Variants in CCDC150 observed in about 807,000 individuals in gnomAD.
The protein encoded by CCDC150 is coiled-coil domain-containing protein 150.
In CCDC150, 151 loss-of-function variants were observed where a neutral mutation model predicts 156.5. The observed-to-expected ratio is 0.97, with a 90% CI of 0.85 to 1.10. The LOEUF (loss-of-function observed/expected upper bound fraction) is 1.10. Among genes scored for constraint, CCDC150 ranks in the 50% least tolerant of loss-of-function variants. The probability of loss-of-function intolerance (pLI) is 0.00; values close to 1 mark genes in which losing one functional copy is unlikely to be tolerated. For missense variants in CCDC150, 1,312 were observed against 1,268.1 expected, an observed-to-expected ratio of 1.03 and a Z score of -0.53; for synonymous variants, 452 against 429.4, an observed-to-expected ratio of 1.05 and a Z score of -0.65.
intron 5 of CCDC150, among the ~76,000 whole-genome samples, chr2:196,660,992 C>T (rs1020820493): frequency 3.3e-5 from 5 of 152,140 alleles, no homozygotes; most frequent in Non-Finnish European, 1.5e-5. Flanking sequence ...GATCTGTATC[C>T]AGATGAATTT....
At position 196,720,624 on chromosome 2, in the gene CCDC150, T is replaced by C. The variant is rs568346313; in HGVS notation, c.2215T>C (p.Trp739Arg). 5 of 1,613,928 alleles carry C rather than the reference T, an allele frequency of 3.1e-6. No individual in the cohort carries two copies. In the South Asian group the frequency reaches 4.4e-5, roughly 14 times the overall value. ...GAAGCTGGAAGCTGAAGTGGACCAG[T>C]GGCAGGCCAGGATGCTTGTCATGGA... ...VQKLEAEVDQ[W>R]QARMLVMEDQ... Residue 739 changes from tryptophan (W) to arginine (R), a missense_variant, in exon 20 of 28, where the codon TGG becomes CGG. Coordinates refer to ENST00000389175, the MANE Select transcript of CCDC150 (RefSeq NM_001080539.2).
chr2:196,700,149 A>G (rs1250136794), intron 14 of CCDC150, among the ~76,000 whole-genome samples: 1 of 152,220 alleles, frequency 6.6e-6, no homozygotes, highest in East Asian at 1.9e-4. Context: ...GCAAATATAA[A>G]CCAGAAATAG....
intron 17 of CCDC150, chr2:196,713,809 A>G: frequency 9.2e-7 from 1 of 1,081,788 alleles, no homozygotes; most frequent in Non-Finnish European, 1.2e-6. Context: ...ACAAATAGAA[A>G]AAAGACTAAT....
chr2:196,698,223 T>G (rs1376789418), intron 14 of CCDC150, among the ~76,000 whole-genome samples: 3 of 152,188 alleles, frequency 2.0e-5, no homozygotes, highest in Non-Finnish European at 4.4e-5. Context: ...ACATCCACTT[T>G]CCCTTAGCAA....
chr2:196,674,486 G>C (rs1694379678), intron 10 of CCDC150, 138 bp downstream of exon 10: 1 of 600,164 alleles, frequency 1.7e-6, no homozygotes. Context: ...TTCTATTAGT[G>C]CTTTTCAATT....
chr2:196,719,606 A>G lies in CCDC150; in HGVS notation c.2105A>G (p.Glu702Gly). 2 of 1,613,548 alleles carry G rather than the reference A, an allele frequency of 1.2e-6. No individual in the cohort carries two copies. The highest frequency in any genetic ancestry group is 1.7e-6 in the Non-Finnish European group (2 of 1,179,738). The part of the protein sequence containing the change: ...ASHSKMQGAL[E>G]KVQIELGRRD... Reference sequence around the variant, plus strand: ...CACAGTAAGATGCAAGGTGCTCTGGAGAAAGTACAAATAGAGCTTGGGCGG... The same window carrying G: ...CACAGTAAGATGCAAGGTGCTCTGGGGAAAGTACAAATAGAGCTTGGGCGG... Residue 702 changes from glutamate to glycine, a missense_variant, in exon 19 of 28, where the codon GAG (glutamate) becomes GGG (glycine). Coordinates refer to ENST00000389175, the MANE Select transcript of CCDC150 (RefSeq NM_001080539.2).
chr2:196,677,300 A>C lies in CCDC150; in HGVS notation c.1448A>C (p.Lys483Thr), dbSNP rs1401843452. 1 of 1,567,858 alleles carries C rather than the reference A, an allele frequency of 6.4e-7. No homozygotes were observed. Among genetic ancestry groups the C allele is most frequent in the Non-Finnish European group, 8.7e-7 (1 of 1,154,976 alleles). ...EKERFQREVNKTEKEIVQERC... is the reference protein window; with the variant it reads ...EKERFQREVNTTEKEIVQERC... The stretch of plus-strand genomic sequence containing the variant: ...CCCATCCTCCTTGGGCAGGTTAATA[A>C]AACAGAAAAAGAAATAGTGCAAGAA... Residue 483 changes from lysine to threonine, a missense_variant, in exon 13 of 28, where the codon AAA becomes ACA. Coordinates refer to ENST00000389175, the MANE Select transcript of CCDC150 (RefSeq NM_001080539.2).
chr2:196,643,218 C>T (rs747562712), intron 1 of CCDC150, among the ~76,000 whole-genome samples: 2 of 152,174 alleles, frequency 1.3e-5, no homozygotes, highest in African/African-American at 4.8e-5. Flanking sequence ...AATCAGTGTC[C>T]GAGTCACCTC....
chr2:196,648,260 T>C (rs1280538007), intron 2 of CCDC150, among the ~76,000 whole-genome samples: 27 of 152,178 alleles, frequency 1.8e-4, no homozygotes, highest in Admixed American at 1.8e-3. Context: ...CCATCAACTA[T>C]GTACGGGGGT....
At chr2:196,639,869 C>A in intron 1 of CCDC150, 91 bp downstream of exon 1, 5 of 1,156,518 alleles carry the variant, frequency 4.3e-6, no homozygotes, top group South Asian at 2.2e-5. Context: ...CCCTGGCGCC[C>A]TCTCCCTGTC....
intron 2 of CCDC150, 34 bp downstream of exon 2, chr2:196,646,538 A>G (rs769870324): frequency 1.6e-5 from 26 of 1,581,348 alleles, no homozygotes; most frequent in Non-Finnish European, 2.3e-5. Context: ...TGTAGGTTGA[A>G]GAATTTTGCT....
At chr2:196,720,451 T>C in intron 19 of CCDC150, 124 bp from the exon 20 acceptor site, 1 of 676,870 alleles carries the variant, frequency 1.5e-6, no homozygotes, top group South Asian at 2.0e-5. Context: ...TGATATTTAC[T>C]AGTGATATAT....
intron 13 of CCDC150, among the ~76,000 whole-genome samples, chr2:196,689,557 G>C (rs1455046834): frequency 1.3e-5 from 2 of 151,974 alleles, no homozygotes; most frequent in African/African-American, 4.8e-5. Context: ...GTCTGTTATT[G>C]GTGTATAAGA....
At chr2:196,703,615 T>G (rs912169085) in intron 15 of CCDC150, among the ~76,000 whole-genome samples, 7 of 152,210 alleles carry the variant, frequency 4.6e-5, no homozygotes, top group African/African-American at 1.7e-4. Flanking sequence ...AATGATCTTA[T>G]AAGAGGCTAT....
At chr2:196,711,954 T>A (rs1969340) in intron 15 of CCDC150, among the ~76,000 whole-genome samples, 191 bp from the exon 16 acceptor site, 119,945 of 151,756 alleles carry the variant, frequency 0.79, 47,626 homozygotes, top group East Asian at 0.97. Context: ...ACAGAGTGTA[T>A]ATCATTTTTT....
chr2:196,675,089 T>C (rs774322304), intron 10 of CCDC150, among the ~76,000 whole-genome samples: 2 of 152,174 alleles, frequency 1.3e-5, no homozygotes, highest in African/African-American at 2.4e-5. Flanking sequence ...ATAATCATTA[T>C]GCTGCATCCC....
At chr2:196,700,752 G>A (rs141192096) in intron 14 of CCDC150, among the ~76,000 whole-genome samples, 14 of 152,158 alleles carry the variant, frequency 9.2e-5, no homozygotes, top group East Asian at 3.9e-4. Flanking sequence ...TGCTATTTCC[G>A]TAAAGAACTG....
At chr2:196,647,379 A>G (rs1047861920) in intron 2 of CCDC150, among the ~76,000 whole-genome samples, 16 of 152,232 alleles carry the variant, frequency 1.1e-4, no homozygotes, top group Non-Finnish European at 2.4e-4. Flanking sequence ...TTTTATATGC[A>G]TGTATATATT....
At chr2:196,679,180 C>T (rs1422852061) in intron 13 of CCDC150, among the ~76,000 whole-genome samples, 1 of 152,122 alleles carries the variant, frequency 6.6e-6, no homozygotes, top group East Asian at 1.9e-4. Context: ...TTATAATTTA[C>T]ATACAGTGAA....
Sources: gnomAD v4.1 joint callset for allele counts (sites outside exome capture counted in the v4.1 genomes callset) on GRCh38, gnomAD v4.1.1 for gene constraint, MANE v1.5 for transcripts, NCBI Gene and HGNC (gene_info 2026-07-23, HGNC 2026-07-21) for gene names.